Variants in RBBP4 observed in about 807,000 individuals in gnomAD.
RBBP4 encodes the protein RB binding protein 4, chromatin remodeling factor.
Under a neutral mutation model 57.2 loss-of-function variants are expected in RBBP4, and 3 were observed. That is an observed-to-expected ratio of 0.05 (90% confidence interval 0.02 to 0.14). The LOEUF (loss-of-function observed/expected upper bound fraction) is 0.14, where lower values mean the gene tolerates loss of function less well. Ranked by LOEUF, RBBP4 falls within the 10% of genes least tolerant of loss-of-function variation. The pLI, the probability that RBBP4 is intolerant of heterozygous loss-of-function variation, is 1.00. For missense variants in RBBP4, 107 were observed against 520.6 expected, an observed-to-expected ratio of 0.21 and a Z score of 7.73; for synonymous variants, 151 against 171.5, an observed-to-expected ratio of 0.88 and a Z score of 0.93.
chr1:32,669,209 CTTTG>C lies in RBBP4; in HGVS notation c.762-18_762-15del, dbSNP rs762374569. 6.2e-7 allele frequency: 1 copy of C among 1,606,866 alleles called. No individual in the cohort carries two copies. The highest frequency in any genetic ancestry group is 1.1e-5 in the South Asian group (1 of 89,096). On this transcript the variant is annotated intron_variant, in intron 6 of 11. Transcript: ENST00000373493. This position sits in a 1 kb window ranked among gnomAD's most constrained non-coding sequence, Gnocchi z 4.9. The stretch of plus-strand genomic sequence containing the variant: ...TAGTCACCATTTCAAGGTTTTTTTC[CTTTG>C]TTTTTTTTTCACTGAAGTTGGGATA...
intron 8 of RBBP4, among the ~76,000 whole-genome samples, chr1:32,670,464 A>G (rs1370693084): frequency 6.6e-6 from 1 of 152,214 alleles, no homozygotes; most frequent in Non-Finnish European, 1.5e-5. Context: ...TGCAAAAATT[A>G]AAAAAAGAAA....
chr1:32,656,825 C>G, intron 2 of RBBP4, among the ~76,000 whole-genome samples: 1 of 152,152 alleles, frequency 6.6e-6, no homozygotes, highest in African/African-American at 2.4e-5. Context: ...CACCCTTTCC[C>G]CTTCTTTCCT....
chr1:32,675,720 G>A (rs1390720239), intron 11 of RBBP4, among the ~76,000 whole-genome samples: 3 of 152,082 alleles, frequency 2.0e-5, no homozygotes, highest in Admixed American at 2.0e-4. Flanking sequence ...AGTGAGCCGA[G>A]ATCGTGCCAC....
At position 32,685,637 on chromosome 1, in the gene RBBP4, T is replaced by C. The variant is rs1649771933; in HGVS notation, c.*5932T>C. The C allele has an allele frequency of 6.6e-6, 1 of 152,284 alleles. No individual in the cohort carries two copies. Among genetic ancestry groups the C allele is most frequent in the African/African-American group, 2.4e-5 (1 of 41,452 alleles). The allele number at this position is 152,284 out of a possible 1,614,324, so 9.4% of individuals were successfully genotyped here. A position where few individuals can be genotyped will look rare whatever the true frequency, so the allele number is the denominator to read the frequency against. ...AACATTGTCAAAGGACCTTTTTTAG[T>C]GCCCAGCCATGCCTAAGAGTGTGTC... On this transcript the variant is annotated 3_prime_UTR_variant, in exon 12 of 12. Coordinates refer to ENST00000373493, the MANE Select transcript of RBBP4 (RefSeq NM_005610.3).
At chr1:32,662,637 G>A (rs1383351364) in intron 3 of RBBP4, among the ~76,000 whole-genome samples, 1 of 151,868 alleles carries the variant, frequency 6.6e-6, no homozygotes, top group Non-Finnish European at 1.5e-5. Flanking sequence ...GCCTCCCAAA[G>A]TGCTGGGATT....
intron 2 of RBBP4, 87 bp downstream of exon 2, chr1:32,652,148 C>T: frequency 6.9e-7 from 1 of 1,440,020 alleles, no homozygotes; most frequent in Non-Finnish European, 9.4e-7. Flanking sequence ...CTTCAGTCAC[C>T]CGGAGAAGGC....
chr1:32,684,701 T>C lies in RBBP4; in HGVS notation c.*4996T>C, dbSNP rs1175068423. The stretch of plus-strand genomic sequence containing the variant: ...TTGAGGAGGATTTTGGTCTAGTTAG[T>C]GGGCTGAGTTTCATATACCTCTCCC... On this transcript the variant is annotated 3_prime_UTR_variant, in exon 12 of 12. Transcript: ENST00000373493. The C allele has an allele frequency of 3.9e-6, 1 of 253,738 alleles. No homozygotes were observed. The highest frequency in any genetic ancestry group is 8.8e-5 in the East Asian group (1 of 11,404). The allele number at this position is 253,738 out of a possible 1,614,324, so 15.7% of individuals were successfully genotyped here.
At chr1:32,662,840 T>C (rs1358175011) in intron 3 of RBBP4, among the ~76,000 whole-genome samples, 1 of 151,554 alleles carries the variant, frequency 6.6e-6, no homozygotes, top group Non-Finnish European at 1.5e-5. Context: ...AAAAATTAGC[T>C]GGGCGTGGTG....
At position 32,680,697 on chromosome 1, in the gene RBBP4, C is replaced by T. The variant is rs1347996012; in HGVS notation, c.*992C>T. Reference sequence around the variant, plus strand: ...TATTTAGTATAAAACATCCATCAAACACCAGTCTCTGGCTTCTAGAAGAGT... The same window carrying T: ...TATTTAGTATAAAACATCCATCAAATACCAGTCTCTGGCTTCTAGAAGAGT... On this transcript the variant is annotated 3_prime_UTR_variant, in exon 12 of 12. Coordinates refer to ENST00000373493, the MANE Select transcript of RBBP4 (RefSeq NM_005610.3). The T allele has an allele frequency of 1.2e-5, 8 of 670,372 alleles. No homozygotes were observed. Among genetic ancestry groups the T allele is most frequent in the Non-Finnish European group, 1.5e-5 (6 of 408,060 alleles). 41.5% of individuals were successfully genotyped at this position (670,372 alleles called of 1,614,324 possible).
rs191714613 is a variant in RBBP4 at position 32,672,735 on chromosome 1, T to C, written c.1101+36T>C. On this transcript the variant is annotated intron_variant, in intron 10 of 11. Transcript: ENST00000373493. ...AGCATTGGACAGTACTGAAATAGTC[T>C]GTAATTTAATGTCCTCTATCTGCAT... 71 of 1,608,274 alleles carry C rather than the reference T, an allele frequency of 4.4e-5. No individual in the cohort carries two copies. The Admixed American group carries it at 9.3e-4, about 21-fold the overall frequency.
At chr1:32,657,610 G>T (rs781322386) in intron 3 of RBBP4, 38 bp downstream of exon 3, 10 of 1,598,366 alleles carry the variant, frequency 6.3e-6, no homozygotes, top group African/African-American at 1.3e-5. Context: ...AAGATGTGTG[G>T]GTCATATCTG....
chr1:32,653,256 A>C (rs1647970207), intron 2 of RBBP4, among the ~76,000 whole-genome samples: 1 of 152,194 alleles, frequency 6.6e-6, no homozygotes, highest in Admixed American at 6.5e-5. Flanking sequence ...ATGACAATGC[A>C]AAAAACAAAG....
chr1:32,670,606 C>G (rs1288261686), intron 8 of RBBP4, among the ~76,000 whole-genome samples: 2 of 151,472 alleles, frequency 1.3e-5, no homozygotes, highest in African/African-American at 4.9e-5. Flanking sequence ...GCATTTTGCT[C>G]TTGTTGGCCA....
chr1:32,671,324 C>G (rs1368484628), intron 8 of RBBP4, among the ~76,000 whole-genome samples: 3 of 152,160 alleles, frequency 2.0e-5, no homozygotes, highest in African/African-American at 7.2e-5. Context: ...ATGGCCCATG[C>G]CTGTAATCTC....
At chr1:32,667,257 C>T (rs1292058301) in intron 3 of RBBP4, among the ~76,000 whole-genome samples, 3 of 152,196 alleles carry the variant, frequency 2.0e-5, no homozygotes. Context: ...TTTGAAGTTG[C>T]TAGAGGATAG....
At chr1:32,663,321 T>C (rs1043218062) in intron 3 of RBBP4, among the ~76,000 whole-genome samples, 2 of 152,208 alleles carry the variant, frequency 1.3e-5, no homozygotes, top group African/African-American at 4.8e-5. Flanking sequence ...ATAATATTTA[T>C]ATGGAGAGAA....
chr1:32,680,179 C>A lies in RBBP4; in HGVS notation c.*474C>A. 2 of 1,091,116 alleles carry A rather than the reference C, an allele frequency of 1.8e-6. No homozygotes were observed. Among genetic ancestry groups the A allele is most frequent in the Non-Finnish European group, 2.2e-6 (2 of 898,520 alleles). The allele number at this position is 1,091,116 out of a possible 1,614,324, so 67.6% of individuals were successfully genotyped here. On this transcript the variant is annotated 3_prime_UTR_variant, in exon 12 of 12. Coordinates refer to ENST00000373493, the MANE Select transcript of RBBP4 (RefSeq NM_005610.3). ...CTCGAAAATCTTGACACCTGACTTTCCAGGATGCACATTTTCATACGTAGA... is the reference window on the plus strand; with the variant it reads ...CTCGAAAATCTTGACACCTGACTTTACAGGATGCACATTTTCATACGTAGA...
At chr1:32,663,212 T>C (rs1648498972) in intron 3 of RBBP4, among the ~76,000 whole-genome samples, 2 of 152,070 alleles carry the variant, frequency 1.3e-5, no homozygotes, top group Admixed American at 6.6e-5. Flanking sequence ...GATGGGAATG[T>C]TTTATATTTT....
chr1:32,669,900 G>A lies in RBBP4; in HGVS notation c.966+337G>A, dbSNP rs1351452162. On this transcript the variant is annotated intron_variant, in intron 8 of 11. Transcript: ENST00000373493. The surrounding 1 kb of genome is among the most constrained non-coding windows in gnomAD (Gnocchi z 4.9). ...AACGAGAGTCCGTCTCAAAAAAAAA[G>A]AAAAAAGAAAAACCTGGATGTATGA... Among the ~76,000 whole-genome samples the A allele has an allele frequency of 4.6e-5, 6 of 130,632 alleles. No individual in the cohort carries two copies. In the South Asian group the frequency reaches 8.4e-4, roughly 18 times the overall value. The allele number at this position is 130,632 out of a possible 152,430, so 85.7% of individuals were successfully genotyped here. A position where few individuals can be genotyped will look rare whatever the true frequency, so the allele number is the denominator to read the frequency against.
Sources: allele counts gnomAD v4.1 joint callset (sites outside exome capture counted in the v4.1 genomes callset), GRCh38; gene constraint gnomAD v4.1.1; non-coding constraint Gnocchi (gnomAD v3.1); transcripts MANE v1.5; gene names NCBI Gene and HGNC (gene_info 2026-07-23, HGNC 2026-07-21).